GRIK1: variants seen among roughly 807,000 people sequenced by gnomAD.
GRIK1 encodes the protein glutamate receptor ionotropic, kainate 1.
A neutral mutation model predicts 105.7 loss-of-function variants in GRIK1; 69 were observed. The ratio of observed to expected loss-of-function variants is 0.65; its 90% CI spans 0.54 to 0.80. The LOEUF is 0.80. Ranked by LOEUF, GRIK1 falls within the 30% of genes least tolerant of loss-of-function variation. The probability of loss-of-function intolerance (pLI) is 0.00; values close to 1 mark genes in which losing one functional copy is unlikely to be tolerated. For synonymous variants in GRIK1, 438 were observed against 431.3 expected (o/e 1.02, Z -0.19); for missense variants, 1,109 against 1,167.3 (o/e 0.95, Z 0.73).
At chr21:29,871,513 A>G (rs1449807488) in intron 1 of GRIK1, among the ~76,000 whole-genome samples, 1 of 152,140 alleles carries the variant, frequency 6.6e-6, no homozygotes, top group African/African-American at 2.4e-5. Context: ...AATTTTCACT[A>G]TGTAAGTGGA....
chr21:29,613,862 A>G (rs986846530), intron 7 of GRIK1, among the ~76,000 whole-genome samples: 5 of 152,196 alleles, frequency 3.3e-5, no homozygotes, highest in Admixed American at 2.6e-4. Flanking sequence ...CCATAACCCT[A>G]TAATCTAGAG....
intron 13 of GRIK1, among the ~76,000 whole-genome samples, chr21:29,580,009 ATATATATGTGTATATATG>A (rs1450752013): frequency 4.0e-5 from 5 of 124,972 alleles, no homozygotes; most frequent in Middle Eastern, 3.8e-3. Context: ...ATATATATGT[ATATATATGTGTATATATG>A]TATATATGTG....
chr21:29,885,427 T>A (rs569001485), intron 1 of GRIK1, among the ~76,000 whole-genome samples: 3 of 152,074 alleles, frequency 2.0e-5, no homozygotes, highest in African/African-American at 7.2e-5. Context: ...GAAAAATAAA[T>A]TCCTTCCTAG....
chr21:29,805,988 A>G (rs2066853649), intron 1 of GRIK1, among the ~76,000 whole-genome samples: 1 of 152,186 alleles, frequency 6.6e-6, no homozygotes, highest in African/African-American at 2.4e-5. Flanking sequence ...TATAAATCAC[A>G]GAGTAATAAA....
At chr21:29,793,709 T>C (rs2066485116) in intron 1 of GRIK1, among the ~76,000 whole-genome samples, 1 of 152,160 alleles carries the variant, frequency 6.6e-6, no homozygotes, top group Non-Finnish European at 1.5e-5. Context: ...GACCAGCAAA[T>C]TAGCTGAATT....
intron 1 of GRIK1, among the ~76,000 whole-genome samples, chr21:29,707,532 A>G (rs2063947684): frequency 7.4e-6 from 1 of 134,814 alleles, no homozygotes; most frequent in South Asian, 2.5e-4. Flanking sequence ...TTTCACTCAT[A>G]TTGCAAAGGC....
chr21:29,777,252 C>T (rs1395299320), intron 1 of GRIK1, among the ~76,000 whole-genome samples: 1 of 152,124 alleles, frequency 6.6e-6, no homozygotes, highest in Non-Finnish European at 1.5e-5. Flanking sequence ...ACCAGAATCA[C>T]CTGAAGTACT....
intron 1 of GRIK1, among the ~76,000 whole-genome samples, chr21:29,752,179 C>T (rs954355052): frequency 3.9e-5 from 6 of 152,170 alleles, no homozygotes; most frequent in South Asian, 4.1e-4. Flanking sequence ...GGACTTTTAA[C>T]GCTTCTGTAG....
intron 1 of GRIK1, among the ~76,000 whole-genome samples, chr21:29,748,452 G>A (rs1422111175): frequency 5.9e-5 from 9 of 152,200 alleles, no homozygotes; most frequent in African/African-American, 1.9e-4. Context: ...GAAGATAAGA[G>A]TCAAAGTTTC....
At chr21:29,785,672 T>C (rs2066241325) in intron 1 of GRIK1, among the ~76,000 whole-genome samples, 1 of 152,140 alleles carries the variant, frequency 6.6e-6, no homozygotes, top group African/African-American at 2.4e-5. Flanking sequence ...GTGTTCCTTA[T>C]GTGACAGCTT....
At chr21:29,678,735 G>A (rs546365477) in intron 3 of GRIK1, among the ~76,000 whole-genome samples, 92 of 152,270 alleles carry the variant, frequency 6.0e-4, no homozygotes, top group African/African-American at 1.8e-3. Flanking sequence ...TGGTGGGAGA[G>A]CACATAGCAG....
intron 1 of GRIK1, among the ~76,000 whole-genome samples, chr21:29,809,218 C>T (rs1211556695): frequency 6.6e-6 from 1 of 152,084 alleles, no homozygotes; most frequent in Non-Finnish European, 1.5e-5. Flanking sequence ...TTACTTAAGA[C>T]ATGTATACCT....
intron 1 of GRIK1, among the ~76,000 whole-genome samples, chr21:29,850,689 C>T (rs2068277116): frequency 6.6e-6 from 1 of 152,196 alleles, no homozygotes; most frequent in Admixed American, 6.5e-5. Flanking sequence ...TAGCAATGTA[C>T]CAGGCACATA....
rs1204231901 is a variant in GRIK1, at chr21:29,693,934, C to A, written c.248G>T (p.Arg83Ile). The A allele has an allele frequency of 1.9e-6, 3 of 1,613,472 alleles. No homozygotes were observed. In the African/African-American group the frequency reaches 4.0e-5, roughly 22 times the overall value. The stretch of plus-strand genomic sequence containing the variant: ...TTCAAAACTATCAAAAAGGTTAATT[C>A]TCTGGATGTCATAGGTTAATGTGGT... ...PNTTLTYDIQ[R>I]INLFDSFEAS... is the part of the protein sequence containing the mutation. The change falls in exon 2 of 18, where the codon AGA becomes ATA. Residue 83 changes from arginine to isoleucine, a missense_variant. By Grantham distance (97) the Arg-to-Ile change is moderately conservative. Around this residue, in one of 5 missense-constraint regions of GRIK1, gnomAD observed 612 missense variants for 586.0 expected, o/e 1.04. Coordinates refer to ENST00000327783, the MANE Select transcript of GRIK1 (RefSeq NM_001330994.2).
rs569769311 is a variant in GRIK1 at position 29,928,685 on chromosome 21, G to A, written c.118+10698C>T. 3.5e-4 allele frequency among the ~76,000 whole-genome samples: 53 copies of A among 152,288 alleles called. 1 individual carries two copies. The South Asian group carries it at 5.2e-3, about 15-fold the overall frequency. On this transcript the variant is annotated intron_variant, in intron 1 of 17. Coordinates refer to ENST00000327783, the MANE Select transcript of GRIK1 (RefSeq NM_001330994.2). ...AAGTGAGAGACCAGATGGAAAATGC[G>A]CTGAGTCTTGAAGGATGAGCAGCAG...
chr21:29,664,628 C>T lies in GRIK1; in HGVS notation c.726+8355G>A, dbSNP rs539231993. 8.4e-4 allele frequency among the ~76,000 whole-genome samples: 128 copies of T among 151,910 alleles called. 1 individual carries two copies. The highest frequency in any genetic ancestry group is 2.9e-3 in the African/African-American group (122 of 41,442). On this transcript the variant is annotated intron_variant, in intron 4 of 17. Transcript: ENST00000327783. ...AACTCTACGGGCCAAAAAAAAAAATCTGGCACATAATTTGGCTGGATAAAT... is the reference window on the plus strand; with the variant it reads ...AACTCTACGGGCCAAAAAAAAAAATTTGGCACATAATTTGGCTGGATAAAT...
At chr21:29,833,739 A>G (rs1013497751) in intron 1 of GRIK1, among the ~76,000 whole-genome samples, 3 of 152,066 alleles carry the variant, frequency 2.0e-5, no homozygotes, top group African/African-American at 7.2e-5. Context: ...ACAAATCCAA[A>G]CCATATCACC....
At chr21:29,849,583 G>T (rs1219162870) in intron 1 of GRIK1, among the ~76,000 whole-genome samples, 2 of 152,138 alleles carry the variant, frequency 1.3e-5, no homozygotes, top group African/African-American at 4.8e-5. Context: ...TCAGGAAGGA[G>T]GAAAGGCCAA....
At chr21:29,749,293 A>G (rs571859116) in intron 1 of GRIK1, 1 of 152,354 alleles carries the variant, frequency 6.6e-6, no homozygotes, top group African/African-American at 2.4e-5. Flanking sequence ...TGTTTTACTC[A>G]GAATTTATGC....
Sources: allele counts gnomAD v4.1 joint callset (sites outside exome capture counted in the v4.1 genomes callset), GRCh38; gene constraint gnomAD v4.1.1; regional missense constraint gnomAD v4.1.1; transcripts MANE v1.5; gene names NCBI Gene and HGNC (gene_info 2026-07-23, HGNC 2026-07-21).